Variants in MANBAL observed in about 807,000 individuals in gnomAD.
MANBAL encodes the protein mannosidase beta like.
MANBAL carries 1 observed loss-of-function variant against 6.4 expected under a neutral mutation model. The observed-to-expected ratio is 0.16, with a 90% confidence interval of 0.06 to 0.74. The LOEUF (loss-of-function observed/expected upper bound fraction) is 0.74. MANBAL is among the 30% of genes least tolerant of loss of function. The probability of loss-of-function intolerance (pLI) is 0.78; values close to 1 mark genes in which losing one functional copy is unlikely to be tolerated. For synonymous variants in MANBAL, 47 were observed against 45.8 expected (o/e 1.03, Z -0.10); for missense variants, 100 against 107.8 (o/e 0.93, Z 0.32).
intron 2 of MANBAL, among the ~76,000 whole-genome samples, chr20:37,311,146 G>A (rs1249435796): frequency 6.6e-6 from 1 of 152,188 alleles, no homozygotes; most frequent in African/African-American, 2.4e-5. Context: ...GGAGAGGCTC[G>A]GTGAGCATCC....
At chr20:37,300,527 G>T (rs756348700) in intron 1 of MANBAL, among the ~76,000 whole-genome samples, 2 of 152,302 alleles carry the variant, frequency 1.3e-5, no homozygotes, top group Non-Finnish European at 2.9e-5. Context: ...GAAAGCAGGG[G>T]TTTGTCTGTT....
intron 1 of MANBAL, among the ~76,000 whole-genome samples, chr20:37,298,111 A>G (rs1385578272): frequency 6.6e-6 from 1 of 152,194 alleles, no homozygotes; most frequent in Non-Finnish European, 1.5e-5. Context: ...ACTTGAGCAT[A>G]AGAGTTTGAG....
chr20:37,305,789 A>C (rs1397859232), intron 2 of MANBAL, among the ~76,000 whole-genome samples: 1 of 151,508 alleles, frequency 6.6e-6, no homozygotes, highest in Non-Finnish European at 1.5e-5. Context: ...CAGGTTATAC[A>C]GGGGGTTCTG....
At chr20:37,312,764 A>C (rs908426807) in intron 2 of MANBAL, among the ~76,000 whole-genome samples, 1 of 152,040 alleles carries the variant, frequency 6.6e-6, no homozygotes, top group African/African-American at 2.4e-5. Context: ...TCCTGTCTCA[A>C]CCTCTCGAGT....
intron 2 of MANBAL, among the ~76,000 whole-genome samples, chr20:37,313,661 G>T (rs1429230063): frequency 6.6e-6 from 1 of 152,132 alleles, no homozygotes; most frequent in Admixed American, 6.5e-5. Context: ...AGCTAATATC[G>T]AGCCACTGCA....
intron 2 of MANBAL, chr20:37,302,446 C>T: frequency 8.5e-7 from 1 of 1,178,206 alleles, no homozygotes; most frequent in East Asian, 2.6e-5. Context: ...GTGGTATCAG[C>T]TGATCCCTCC....
chr20:37,299,298 CA>C (rs2069077703), intron 1 of MANBAL, among the ~76,000 whole-genome samples: 1 of 152,092 alleles, frequency 6.6e-6, no homozygotes, highest in African/African-American at 2.4e-5. Context: ...AGGCTGGTCT[CA>C]AACTCCTGAG....
At chr20:37,303,498 C>G (rs192658246) in intron 2 of MANBAL, among the ~76,000 whole-genome samples, 20 of 152,252 alleles carry the variant, frequency 1.3e-4, no homozygotes, top group African/African-American at 3.1e-4. Context: ...TCTTGTAACT[C>G]TTTATCTTAT....
At chr20:37,307,439 G>A (rs1055473602) in intron 2 of MANBAL, among the ~76,000 whole-genome samples, 1 of 152,162 alleles carries the variant, frequency 6.6e-6, no homozygotes, top group Non-Finnish European at 1.5e-5. Flanking sequence ...AAGGAAAGGC[G>A]AGCAAGAAGT....
At chr20:37,302,294 G>A (rs1436487994) in intron 2 of MANBAL, 1 of 1,550,412 alleles carries the variant, frequency 6.4e-7, no homozygotes, top group Non-Finnish European at 8.7e-7. Context: ...TCCATGTAGA[G>A]GCCTGATTCC....
rs571248155 is a variant in MANBAL, at chr20:37,297,993, A to G, written c.-56-3215A>G. ...TACCCCAGGGCTTCCCCACAGAAATATAATACAGACTATGTATAATTTTAC... is the reference window on the plus strand; with the variant it reads ...TACCCCAGGGCTTCCCCACAGAAATGTAATACAGACTATGTATAATTTTAC... On this transcript the variant is annotated intron_variant, in intron 1 of 2. Coordinates refer to ENST00000373606, the MANE Select transcript of MANBAL (RefSeq NM_001003897.2). 4.6e-5 allele frequency among the ~76,000 whole-genome samples: 7 copies of G among 152,296 alleles called. No individual in the cohort carries two copies. The South Asian group carries it at 1.0e-3, about 23-fold the overall frequency.
At chr20:37,311,301 CAA>C (rs1311012682) in intron 2 of MANBAL, among the ~76,000 whole-genome samples, 1 of 152,158 alleles carries the variant, frequency 6.6e-6, no homozygotes, top group Non-Finnish European at 1.5e-5. Context: ...CTCAGGGTGA[CAA>C]GAGTAGGCTG....
chr20:37,306,887 T>C (rs1268659571), intron 2 of MANBAL, among the ~76,000 whole-genome samples: 2 of 152,196 alleles, frequency 1.3e-5, no homozygotes, highest in Non-Finnish European at 2.9e-5. Flanking sequence ...TAGAACCATC[T>C]GGGGAACTTT....
intron 2 of MANBAL, among the ~76,000 whole-genome samples, chr20:37,305,145 G>A (rs1477741739): frequency 3.9e-5 from 6 of 152,336 alleles, no homozygotes; most frequent in Middle Eastern, 6.8e-3. Flanking sequence ...ACCCACAATT[G>A]TATCGCATTT....
intron 2 of MANBAL, among the ~76,000 whole-genome samples, chr20:37,304,406 T>G (rs1262309085): frequency 6.6e-6 from 1 of 152,242 alleles, no homozygotes; most frequent in South Asian, 2.1e-4. Flanking sequence ...TCCTCCACCC[T>G]ATTCCCTTCC....
At position 37,316,430 on chromosome 20, in the gene MANBAL, G is replaced by A. The variant is rs1359946921; in HGVS notation, c.*15G>A. The A allele has an allele frequency of 2.5e-6, 4 of 1,607,792 alleles. No individual in the cohort carries two copies. Among genetic ancestry groups the A allele is most frequent in the African/African-American group, 1.3e-5 (1 of 74,642 alleles). On this transcript the variant is annotated 3_prime_UTR_variant, in exon 3 of 3. Coordinates refer to ENST00000373606, the MANE Select transcript of MANBAL (RefSeq NM_001003897.2). ...AGAAGCGGTAGAAGAGGAGGCCTGA[G>A]GAGCTGGGCGGGCAGGGAGAGGGTC...
intron 2 of MANBAL, among the ~76,000 whole-genome samples, chr20:37,312,944 T>C (rs1428888370): frequency 6.6e-6 from 1 of 152,220 alleles, no homozygotes; most frequent in Non-Finnish European, 1.5e-5. Flanking sequence ...TTCATGGGAA[T>C]AAACAAGAAT....
intron 1 of MANBAL, among the ~76,000 whole-genome samples, chr20:37,298,263 C>T (rs2069045043): frequency 6.6e-6 from 1 of 152,098 alleles, no homozygotes; most frequent in Non-Finnish European, 1.5e-5. Flanking sequence ...AACAAATTTA[C>T]CATTTTAACC....
intron 2 of MANBAL, chr20:37,302,256 G>T: frequency 6.4e-7 from 1 of 1,550,524 alleles, no homozygotes. Context: ...GTGTTTCTCT[G>T]TTCCCTGTGT....
Sources: allele counts gnomAD v4.1 joint callset (sites outside exome capture counted in the v4.1 genomes callset), GRCh38; gene constraint gnomAD v4.1.1; transcripts MANE v1.5; gene names NCBI Gene and HGNC (gene_info 2026-07-23, HGNC 2026-07-21).